The following PMM2 variants were observed in gnomAD, a reference collection of about 807,000 sequenced individuals.
PMM2 encodes the protein mannose-6-phosphate isomerase.
Under a neutral mutation model 33.2 loss-of-function variants are expected in PMM2, and 35 were observed. The observed-to-expected ratio is 1.06, with a 90% CI of 0.81 to 1.40. The LOEUF (loss-of-function observed/expected upper bound fraction) is 1.40, where lower values mean the gene tolerates loss of function less well. Ranked by LOEUF, PMM2 falls within the 40% of genes most tolerant of loss-of-function variation. PMM2 has a pLI of 0.00. For missense variants in PMM2, 386 were observed against 306.0 expected (o/e 1.26, Z -1.95); for synonymous variants, 153 against 114.7 (o/e 1.33, Z -2.13).
chr16:8,814,932 C>G (rs1285502748), intron 7 of PMM2, among the ~76,000 whole-genome samples: 1 of 152,152 alleles, frequency 6.6e-6, no homozygotes, highest in African/African-American at 2.4e-5. Flanking sequence ...ATCTGTAGAA[C>G]TTACACATCT....
At chr16:8,811,232 A>G in intron 5 of PMM2, 54 bp downstream of exon 5, 1 of 1,178,680 alleles carries the variant, frequency 8.5e-7, no homozygotes, top group Non-Finnish European at 1.2e-6. Context: ...GAAATAAGAT[A>G]TGGCCTGGTG....
rs545958069 is a variant in PMM2, at chr16:8,820,351, C to CTTTTTTTTTT, written c.639+7253_639+7262dup. Among the ~76,000 whole-genome samples the CTTTTTTTTTT allele has an allele frequency of 4.8e-3, 633 of 133,064 alleles. 27 individuals carry two copies. Among genetic ancestry groups the CTTTTTTTTTT allele is most frequent in the African/African-American group, 0.019 (604 of 32,098 alleles). The allele number at this position is 133,064 out of a possible 152,430, so 87.3% of individuals were successfully genotyped here. On this transcript the variant is annotated intron_variant, in intron 7 of 7. Coordinates refer to ENST00000268261, the MANE Select transcript of PMM2 (RefSeq NM_000303.3). ...TCAGCCCAGTGAGGACACAGTTCTT[C>CTTTTTTTTTT]TTTTTTTTTTTTTTTTTCCTGAGAC...
At position 8,847,808 on chromosome 16, in the gene PMM2, G is replaced by A; in HGVS notation, c.724G>A (p.Glu242Lys). 1 of 1,613,200 alleles carries A rather than the reference G, an allele frequency of 6.2e-7. No individual in the cohort carries two copies. Among genetic ancestry groups the A allele is most frequent in the Non-Finnish European group, 8.5e-7 (1 of 1,179,342 alleles). ...GCCTGAGGACACGCGCAGGATCTGT[G>A]AACTGCTGTTCTCCTAACGTGGGAG... Reference protein sequence around the residue: ...TAPEDTRRICELLFS With the variant: ...TAPEDTRRICKLLFS Residue 242 changes from glutamate (E) to lysine (K), a missense_variant, in exon 8 of 8, where the codon GAA becomes AAA. Glu to Lys is a moderately conservative substitution (Grantham distance 56, BLOSUM62 1). Coordinates refer to ENST00000268261, the MANE Select transcript of PMM2 (RefSeq NM_000303.3).
chr16:8,824,274 T>A (rs2060753745), intron 7 of PMM2, among the ~76,000 whole-genome samples: 2 of 152,216 alleles, frequency 1.3e-5, no homozygotes, highest in Non-Finnish European at 2.9e-5. Context: ...TGTAAAGTTA[T>A]CAGAGACCTG....
chr16:8,838,632 G>A (rs1050594830), intron 7 of PMM2, among the ~76,000 whole-genome samples: 1 of 151,966 alleles, frequency 6.6e-6, no homozygotes, highest in Non-Finnish European at 1.5e-5. Flanking sequence ...TGTATAGAAT[G>A]ATTGGTGATG....
intron 7 of PMM2, among the ~76,000 whole-genome samples, chr16:8,824,640 C>G (rs2060756415): frequency 6.6e-6 from 1 of 151,556 alleles, no homozygotes; most frequent in Non-Finnish European, 1.5e-5. Context: ...AAATATGCCT[C>G]TTTTGGACTT....
chr16:8,839,068 G>GAA (rs2060872299), intron 7 of PMM2, among the ~76,000 whole-genome samples: 1 of 151,994 alleles, frequency 6.6e-6, no homozygotes, highest in African/African-American at 2.4e-5. Flanking sequence ...GACAGAGGTT[G>GAA]AAATGCCTGC....
chr16:8,841,703 G>A (rs1276755433), intron 7 of PMM2, among the ~76,000 whole-genome samples: 19 of 127,026 alleles, frequency 1.5e-4, no homozygotes, highest in Non-Finnish European at 1.4e-4. Context: ...TCAGGGTGAG[G>A]AACAGGAAAG....
chr16:8,844,833 G>A (rs182141041), intron 7 of PMM2, among the ~76,000 whole-genome samples: 55 of 152,304 alleles, frequency 3.6e-4, no homozygotes, highest in African/African-American at 1.2e-3. Flanking sequence ...GGAGAAAGAC[G>A]GTGAGGGATA....
intron 7 of PMM2, among the ~76,000 whole-genome samples, chr16:8,825,929 T>C (rs1324461359): frequency 6.6e-6 from 1 of 151,986 alleles, no homozygotes. Flanking sequence ...CTAATTTTTG[T>C]ATTTTTAGTA....
intron 2 of PMM2, among the ~76,000 whole-genome samples, chr16:8,802,721 T>G (rs1422336556): frequency 6.6e-6 from 1 of 151,802 alleles, no homozygotes; most frequent in African/African-American, 2.4e-5. Context: ...TCCCAGCTAC[T>G]CAGGAGGCCG....
chr16:8,806,492 A>G, intron 4 of PMM2, 85 bp downstream of exon 4: 2 of 863,974 alleles, frequency 2.3e-6, no homozygotes, highest in African/African-American at 1.7e-5. Flanking sequence ...TCCAAATAGG[A>G]TTATAAAAAT....
chr16:8,812,867 A>G, intron 6 of PMM2, 124 bp from the exon 7 acceptor site: 1 of 731,874 alleles, frequency 1.4e-6, no homozygotes, highest in Non-Finnish European at 2.5e-6. Flanking sequence ...GTAGCAAACT[A>G]GAGTACTGAA....
At chr16:8,804,022 G>GT (rs770345977) in intron 2 of PMM2, among the ~76,000 whole-genome samples, 13 of 25,986 alleles carry the variant, frequency 5.0e-4, no homozygotes, top group African/African-American at 1.0e-3. Context: ...TGTTTTTTGG[G>GT]TTTTTTTTGT....
At chr16:8,840,318 A>G (rs1262817818) in intron 7 of PMM2, among the ~76,000 whole-genome samples, 2 of 152,004 alleles carry the variant, frequency 1.3e-5, no homozygotes, top group African/African-American at 4.8e-5. Context: ...TATCCACTCT[A>G]AGAGGGAGTT....
chr16:8,798,249 G>C (rs1033002958), intron 1 of PMM2, among the ~76,000 whole-genome samples: 1 of 152,204 alleles, frequency 6.6e-6, no homozygotes, highest in African/African-American at 2.4e-5. Context: ...GATAGACCAG[G>C]ATTTCAACCC....
At chr16:8,803,206 A>G (rs771623904) in intron 2 of PMM2, among the ~76,000 whole-genome samples, 33 of 152,238 alleles carry the variant, frequency 2.2e-4, no homozygotes, top group Non-Finnish European at 4.4e-4. Context: ...CTGTATTTAT[A>G]GGATCACCAT....
chr16:8,846,380 A>G (rs1328325210), intron 7 of PMM2, among the ~76,000 whole-genome samples: 1 of 152,186 alleles, frequency 6.6e-6, no homozygotes, highest in African/African-American at 2.4e-5. Context: ...ATTGTATTGT[A>G]AAGCAATCGT....
intron 1 of PMM2, among the ~76,000 whole-genome samples, chr16:8,799,156 C>G (rs934563183): frequency 6.6e-6 from 1 of 152,150 alleles, no homozygotes; most frequent in African/African-American, 2.4e-5. Context: ...CAAAACCAGC[C>G]ATAAACCCTA....
Sources: gnomAD v4.1 joint callset for allele counts (sites outside exome capture counted in the v4.1 genomes callset) on GRCh38, gnomAD v4.1.1 for gene constraint, MANE v1.5 for transcripts, NCBI Gene and HGNC (gene_info 2026-07-23, HGNC 2026-07-21) for gene names.